CSMD1: variants seen among roughly 807,000 people sequenced by gnomAD.
CSMD1 encodes CUB and sushi domain-containing protein 1.
A neutral mutation model predicts 417.5 loss-of-function variants in CSMD1; 213 were observed. The observed-to-expected ratio is 0.51, with a 90% CI of 0.46 to 0.57. CSMD1 has a LOEUF of 0.57. CSMD1 is among the 20% of genes least tolerant of loss of function. CSMD1 has a pLI of 0.00. For synonymous variants in CSMD1, 2,862 were observed against 1,736.8 expected (o/e 1.65, Z -16.11); for missense variants, 6,923 against 4,529.7 (o/e 1.53, Z -15.17).
intron 5 of CSMD1, among the ~76,000 whole-genome samples, chr8:3,759,170 G>C (rs1797847271): frequency 6.6e-6 from 1 of 152,190 alleles, no homozygotes; most frequent in African/African-American, 2.4e-5. Context: ...ATGGTGGCAA[G>C]AGAAAGCAAA....
chr8:3,536,249 C>G (rs1286406545), intron 10 of CSMD1, among the ~76,000 whole-genome samples: 1 of 152,164 alleles, frequency 6.6e-6, no homozygotes, highest in Non-Finnish European at 1.5e-5. Context: ...TATAAATGAG[C>G]TGAGTTAATA....
chr8:4,031,482 C>T (rs1006712613), intron 4 of CSMD1, among the ~76,000 whole-genome samples: 2 of 152,118 alleles, frequency 1.3e-5, no homozygotes, highest in Non-Finnish European at 2.9e-5. Context: ...AACACTTACC[C>T]CCATGATTCA....
At chr8:4,406,251 C>T (rs76194583) in intron 3 of CSMD1, among the ~76,000 whole-genome samples, 2,335 of 152,198 alleles carry the variant, frequency 0.015, 18 homozygotes, top group South Asian at 0.039. Flanking sequence ...AAGTGGCTCT[C>T]CTGGTGCATT....
chr8:4,675,126 G>A (rs999166245), intron 1 of CSMD1, among the ~76,000 whole-genome samples: 8 of 152,194 alleles, frequency 5.3e-5, no homozygotes, highest in Admixed American at 5.2e-4. Flanking sequence ...ATGGCAGCCT[G>A]AGCTGACTAA....
chr8:2,947,362 C>G (rs1007055763), intron 68 of CSMD1, among the ~76,000 whole-genome samples: 2 of 152,146 alleles, frequency 1.3e-5, no homozygotes, highest in South Asian at 4.1e-4. Context: ...AAAATAGATG[C>G]TTGCCATCAT....
At chr8:4,890,735 G>C (rs1384186578) in intron 1 of CSMD1, among the ~76,000 whole-genome samples, 2 of 152,138 alleles carry the variant, frequency 1.3e-5, no homozygotes, top group Admixed American at 6.5e-5. Flanking sequence ...AAGTAATTGC[G>C]GTGTTTGCAA....
At chr8:4,751,509 G>T (rs188527293) in intron 1 of CSMD1, among the ~76,000 whole-genome samples, 2 of 152,172 alleles carry the variant, frequency 1.3e-5, no homozygotes, top group Non-Finnish European at 2.9e-5. Flanking sequence ...TCATGAGCTA[G>T]ATAACTTTCT....
At chr8:3,517,709 T>C (rs576417397) in intron 10 of CSMD1, among the ~76,000 whole-genome samples, 18 of 152,324 alleles carry the variant, frequency 1.2e-4, no homozygotes, top group Non-Finnish European at 2.4e-4. Flanking sequence ...TTCAGTCACA[T>C]TTTTTGATAG....
intron 7 of CSMD1, among the ~76,000 whole-genome samples, chr8:3,687,660 A>G (rs1800006823): frequency 6.6e-6 from 1 of 152,136 alleles, no homozygotes; most frequent in African/African-American, 2.4e-5. Context: ...TGAGTGGCGC[A>G]CGCTAGGACC....
At chr8:3,678,814 G>T (rs1168587628) in intron 7 of CSMD1, among the ~76,000 whole-genome samples, 1 of 152,164 alleles carries the variant, frequency 6.6e-6, no homozygotes, top group Non-Finnish European at 1.5e-5. Flanking sequence ...ACAAAGGGAA[G>T]CCCATCAGAC....
chr8:3,299,182 T>G (rs188045163), intron 25 of CSMD1, among the ~76,000 whole-genome samples: 1 of 152,212 alleles, frequency 6.6e-6, no homozygotes, highest in South Asian at 2.1e-4. Flanking sequence ...CCAGGTATGG[T>G]GGCTCACGCC....
In CSMD1 at chr8:3,984,642, G is replaced by T. The variant is rs541978724; in HGVS notation, c.818+13261C>A. Among the ~76,000 whole-genome samples, 78 of 145,242 alleles carry T rather than the reference G, an allele frequency of 5.4e-4. No homozygotes were observed. In the East Asian group the frequency reaches 0.015, roughly 28 times the overall value. On this transcript the variant is annotated intron_variant, in intron 5 of 69. Coordinates refer to ENST00000635120, the MANE Select transcript of CSMD1 (RefSeq NM_033225.6). ...GGTTTCATTTGAACAAAATGCCAAG[G>T]CTTGTTACTTGTGTTTTATGAAAAC... is the stretch of plus-strand genomic sequence containing the variant.
At chr8:4,520,721 G>C (rs1426670673) in intron 2 of CSMD1, among the ~76,000 whole-genome samples, 1 of 152,082 alleles carries the variant, frequency 6.6e-6, no homozygotes, top group African/African-American at 2.4e-5. Context: ...CTGAACTTTT[G>C]TTCCAATTAT....
chr8:4,140,392 G>A (rs140467123), intron 3 of CSMD1, among the ~76,000 whole-genome samples: 101 of 150,996 alleles, frequency 6.7e-4, no homozygotes, highest in Non-Finnish European at 9.4e-4. Flanking sequence ...CAGCTACTTC[G>A]GAGCCTGAAG....
chr8:4,526,750 T>C (rs10095988), intron 2 of CSMD1, among the ~76,000 whole-genome samples: 1 of 152,160 alleles, frequency 6.6e-6, no homozygotes, highest in Non-Finnish European at 1.5e-5. Flanking sequence ...AATAACAGGT[T>C]ACGTTAGCAG....
intron 2 of CSMD1, among the ~76,000 whole-genome samples, chr8:4,635,278 T>A (rs1765992984): frequency 6.6e-6 from 1 of 152,176 alleles, no homozygotes; most frequent in South Asian, 2.1e-4. Context: ...TATTTACTGT[T>A]CACTCAAACT....
Position 4,635,636 on chromosome 8 carries a change from C to G in CSMD1, c.302+1706G>C, listed in dbSNP as rs1563355400. Among the ~76,000 whole-genome samples the G allele has an allele frequency of 4.6e-5, 7 of 152,160 alleles. No individual in the cohort carries two copies. The South Asian group carries it at 1.0e-3, about 23-fold the overall frequency. On this transcript the variant is annotated intron_variant, in intron 2 of 69. Coordinates refer to ENST00000635120, the MANE Select transcript of CSMD1 (RefSeq NM_033225.6). ...TTGGCATTTGAATAAAATGGATTGT[C>G]TAATTCTTTTTTCTGTAACTCTGCA...
At chr8:4,575,503 C>T (rs1226776844) in intron 2 of CSMD1, among the ~76,000 whole-genome samples, 1 of 152,122 alleles carries the variant, frequency 6.6e-6, no homozygotes, top group Non-Finnish European at 1.5e-5. Context: ...TGCAGGTATC[C>T]TCCAGAGGCA....
chr8:3,983,812 C>T (rs569556027), intron 5 of CSMD1, among the ~76,000 whole-genome samples: 2 of 152,118 alleles, frequency 1.3e-5, no homozygotes, highest in Non-Finnish European at 2.9e-5. Context: ...CTGTCAAATG[C>T]AGCTCCAGAG....
Sources: gnomAD v4.1 joint callset for allele counts (sites outside exome capture counted in the v4.1 genomes callset) on GRCh38, gnomAD v4.1.1 for gene constraint, MANE v1.5 for transcripts, NCBI Gene and HGNC (gene_info 2026-07-23, HGNC 2026-07-21) for gene names.